Variants in CACNA1G observed in about 807,000 individuals in gnomAD.
CACNA1G encodes calcium voltage-gated channel subunit alpha1 G, also known as voltage-dependent T-type calcium channel subunit alpha-1G.
A neutral mutation model predicts 219.4 loss-of-function variants in CACNA1G; 67 were observed. The observed-to-expected ratio is 0.31, with a 90% CI of 0.25 to 0.37. CACNA1G has a LOEUF of 0.37. CACNA1G is among the 10% of genes least tolerant of loss of function. The pLI is 1.00. For synonymous variants in CACNA1G, 1,296 were observed against 1,345.3 expected (o/e 0.96, Z 0.80); for missense variants, 2,380 against 3,231.4 (o/e 0.74, Z 6.39).
At chr17:50,620,740 C>A (rs1366776871) in intron 34 of CACNA1G, among the ~76,000 whole-genome samples, 1 of 152,214 alleles carries the variant, frequency 6.6e-6, no homozygotes, top group Non-Finnish European at 1.5e-5. Context: ...GACAGTGATC[C>A]TCATGTGGGA....
chr17:50,594,872 G>C, intron 13 of CACNA1G, 121 bp from the exon 14 acceptor site: 1 of 670,714 alleles, frequency 1.5e-6, no homozygotes, highest in Non-Finnish European at 2.6e-6. Flanking sequence ...GTGTCTCTCA[G>C]TTCCCCTGCT....
Position 50,596,727 on chromosome 17 carries a change from C to A in CACNA1G, c.3065-3C>A, listed in dbSNP as rs2045631241. 1 of 1,613,272 alleles carries A rather than the reference C, an allele frequency of 6.2e-7. No individual in the cohort carries two copies. On this transcript the variant is annotated splice_region_variant and splice_polypyrimidine_tract_variant and intron_variant, in intron 15 of 37. Transcript: ENST00000359106. The surrounding 1 kb of genome is among the most constrained non-coding windows in gnomAD (Gnocchi z 4.8). Reference sequence around the variant, plus strand: ...CGGGATCTCTCCCTCTCTCCCCGTGCAGTGGTGTCCCTGGGAGAGCACCCG... The same window carrying A: ...CGGGATCTCTCCCTCTCTCCCCGTGAAGTGGTGTCCCTGGGAGAGCACCCG...
chr17:50,608,609 T>G (rs756140197), intron 25 of CACNA1G, among the ~76,000 whole-genome samples: 5 of 151,782 alleles, frequency 3.3e-5, no homozygotes, highest in Admixed American at 6.6e-5. Flanking sequence ...AAACTCCCCT[T>G]GGCTTGGGGA....
chr17:50,566,665 G>A (rs2037957383), intron 1 of CACNA1G, among the ~76,000 whole-genome samples: 1 of 152,178 alleles, frequency 6.6e-6, no homozygotes, highest in African/African-American at 2.4e-5. Context: ...ACCTGAATGG[G>A]GACACACATC....
Position 50,618,725 on chromosome 17 carries a change from C to T in CACNA1G, c.5498C>T (p.Ser1833Phe). Residue 1833 changes from serine to phenylalanine, a missense_variant, in exon 33 of 38, where the codon TCC becomes TTC. Physicochemically the swap from Ser to Phe is radical, Grantham distance 155 (BLOSUM62 -2). Around this residue, in one of 17 missense-constraint regions of CACNA1G, gnomAD observed 33 missense variants for 70.2 expected, o/e 0.47. Transcript: ENST00000359106. The surrounding 1 kb of genome is among the most constrained non-coding windows in gnomAD (Gnocchi z 5.3). The part of the protein sequence containing the change: ...NTVISPIYFV[S>F]FVLTAQFVLV... ...GTCATCTCGCCTATCTACTTTGTGT[C>T]CTTCGTGCTGACGGCCCAGTTCGTG... The T allele has an allele frequency of 6.2e-7, 1 of 1,614,030 alleles. No individual in the cohort carries two copies. Among genetic ancestry groups the T allele is most frequent in the Non-Finnish European group, 8.5e-7 (1 of 1,179,898 alleles).
intron 25 of CACNA1G, among the ~76,000 whole-genome samples, chr17:50,608,329 A>T (rs900559106): frequency 3.9e-5 from 6 of 152,050 alleles, no homozygotes; most frequent in African/African-American, 1.4e-4. Context: ...TGACTCTCAG[A>T]GGAGCCTCAC....
intron 14 of CACNA1G, among the ~76,000 whole-genome samples, chr17:50,595,465 A>G (rs552636496): frequency 6.6e-6 from 1 of 152,206 alleles, no homozygotes; most frequent in African/African-American, 2.4e-5. Context: ...ATACTCCCCC[A>G]TCTCCCACCC....
intron 26 of CACNA1G, among the ~76,000 whole-genome samples, 191 bp downstream of exon 26, chr17:50,610,126 T>C (rs146429884): frequency 8.7e-4 from 133 of 152,328 alleles, no homozygotes; most frequent in Non-Finnish European, 1.4e-3. Context: ...GGCGAGGGCC[T>C]GAGGCCTCTC....
intron 26 of CACNA1G, among the ~76,000 whole-genome samples, chr17:50,614,307 C>G (rs879479277): frequency 5.3e-5 from 8 of 152,212 alleles, no homozygotes; most frequent in Admixed American, 1.3e-4. Flanking sequence ...CCCTCACTGG[C>G]TGGCTTCCCC....
intron 24 of CACNA1G, chr17:50,607,611 G>C (rs149611136): frequency 1.8e-6 from 1 of 548,356 alleles, no homozygotes; most frequent in East Asian, 3.0e-5. Flanking sequence ...GAGTCAGCCA[G>C]AACAAAGAGG....
chr17:50,570,764 T>C (rs1262849081), intron 4 of CACNA1G, among the ~76,000 whole-genome samples: 2 of 151,680 alleles, frequency 1.3e-5, no homozygotes, highest in African/African-American at 4.9e-5. Context: ...ATTCCCTTAA[T>C]GCAAACCCTG....
rs2146352304 is a variant in CACNA1G at position 50,621,088 on chromosome 17, G to C, written c.5926-572G>C. ...GGCGGGCGGGCTGCAGGCAGGCGGA[G>C]GAGGGCCCACGAGGGGAGAAGCCAG... On this transcript the variant is annotated intron_variant, in intron 34 of 37. Transcript: ENST00000359106. This position sits in a 1 kb window ranked among gnomAD's most constrained non-coding sequence, Gnocchi z 4.6. 6.6e-6 allele frequency among the ~76,000 whole-genome samples: 1 copy of C among 152,294 alleles called. No homozygotes were observed. Among genetic ancestry groups the C allele is most frequent in the South Asian group, 2.1e-4 (1 of 4,822 alleles).
rs1360490509 is a variant in CACNA1G at position 50,575,596 on chromosome 17, C to T, written c.1194C>T (p.Phe398=). ...NLCLVVIATQ[F]SETKQRESQL... Reference sequence around the variant, plus strand: ...GCCTGGTGGTGATTGCCACGCAGTTCTCAGAGACCAAGCAGCGGGAAAGCC... The same window carrying T: ...GCCTGGTGGTGATTGCCACGCAGTTTTCAGAGACCAAGCAGCGGGAAAGCC... The change falls in exon 8 of 38, where the codon TTC becomes TTT. Residue 398 remains phenylalanine (F), a synonymous_variant. Coordinates refer to ENST00000359106, the MANE Select transcript of CACNA1G (RefSeq NM_018896.5). 1 of 1,613,596 alleles carries T rather than the reference C, an allele frequency of 6.2e-7. No homozygotes were observed. The highest frequency in any genetic ancestry group is 2.2e-5 in the East Asian group (1 of 44,874).
chr17:50,590,610 T>A lies in CACNA1G; in HGVS notation c.2441T>A (p.Ile814Asn). 1 of 1,613,844 alleles carries A rather than the reference T, an allele frequency of 6.2e-7. No individual in the cohort carries two copies. The highest frequency in any genetic ancestry group is 8.5e-7 in the Non-Finnish European group (1 of 1,179,772). ...KNPYNIFDGV[I>N]VVISVWEIVG... ...CCCTACAACATCTTCGATGGTGTCA[T>A]TGTGGTCATCAGGTATGACTACCCC... is the stretch of plus-strand genomic sequence containing the variant. The change falls in exon 10 of 38, where the codon ATT (isoleucine) becomes AAT (asparagine). Residue 814 changes from isoleucine (I) to asparagine (N), a missense_variant. This residue lies in a region of CACNA1G where 82 missense variants were observed against 140.7 expected (regional missense o/e 0.58). Coordinates refer to ENST00000359106, the MANE Select transcript of CACNA1G (RefSeq NM_018896.5).
rs57607229 is a variant in CACNA1G, at chr17:50,624,066, G to C, written c.6220G>C (p.Ala2074Pro). Residue 2074 changes from alanine (A) to proline (P), a missense_variant, in exon 36 of 38, where the codon GCT becomes CCT. Around this residue, in one of 17 missense-constraint regions of CACNA1G, gnomAD observed 672 missense variants for 670.5 expected, o/e 1.00. Coordinates refer to ENST00000359106, the MANE Select transcript of CACNA1G (RefSeq NM_018896.5). ...ACACAGGGGCTGGGGGCTCCCCAAA[G>C]CTCAGTCAGGTACCAGGGCTAGAGC... ...LGHRGWGLPK[A>P]QSGSVLSVHS... The C allele has an allele frequency of 1.2e-5, 19 of 1,612,020 alleles. No homozygotes were observed. Among genetic ancestry groups the C allele is most frequent in the Admixed American group, 1.7e-5 (1 of 59,986 alleles).
chr17:50,603,135 A>G lies in CACNA1G; in HGVS notation c.4105A>G (p.Ser1369Gly). The change falls in exon 21 of 38, where the codon AGC becomes GGC. Residue 1369 changes from serine (S) to glycine (G), a missense_variant. This residue lies in a region of CACNA1G where 153 missense variants were observed against 374.9 expected (regional missense o/e 0.41). Transcript: ENST00000359106. The surrounding 1 kb of genome is among the most constrained non-coding windows in gnomAD (Gnocchi z 6.4). ...CATTCTGGTGTCCATGGTCTCTGACAGCGGCACCAAGATCCTGGGCATGCT... is the reference window on the plus strand; with the variant it reads ...CATTCTGGTGTCCATGGTCTCTGACGGCGGCACCAAGATCCTGGGCATGCT... ...IDILVSMVSD[S>G]GTKILGMLRV... The G allele has an allele frequency of 6.2e-7, 1 of 1,612,676 alleles. No homozygotes were observed. The highest frequency in any genetic ancestry group is 8.5e-7 in the Non-Finnish European group (1 of 1,179,780).
chr17:50,569,059 ACTC>A (rs900319892), intron 2 of CACNA1G, 78 bp downstream of exon 2: 4 of 1,529,084 alleles, frequency 2.6e-6, no homozygotes, highest in Non-Finnish European at 3.5e-6. Flanking sequence ...AATACCCTCT[ACTC>A]CTCTGCAAGA....
chr17:50,563,411 G>A (rs1419158798), intron 1 of CACNA1G: 2 of 152,212 alleles, frequency 1.3e-5, no homozygotes, highest in Non-Finnish European at 2.9e-5. Flanking sequence ...GGAAAGGATG[G>A]GTTCCGAGCA....
chr17:50,625,311 C>T (rs989545456), intron 37 of CACNA1G, among the ~76,000 whole-genome samples: 1 of 152,234 alleles, frequency 6.6e-6, no homozygotes, highest in Non-Finnish European at 1.5e-5. Context: ...GAGGCATGAG[C>T]GTGGACACAT....
Sources: allele counts gnomAD v4.1 joint callset (sites outside exome capture counted in the v4.1 genomes callset), GRCh38; gene constraint gnomAD v4.1.1; regional missense constraint gnomAD v4.1.1; non-coding constraint Gnocchi (gnomAD v3.1); transcripts MANE v1.5; gene names NCBI Gene and HGNC (gene_info 2026-07-23, HGNC 2026-07-21).